RBFOX2: variants seen among roughly 807,000 people sequenced by gnomAD.
RBFOX2 encodes RNA binding fox-1 homolog 2, also known as RNA binding protein fox-1 homolog 2.
A neutral mutation model predicts 49.1 loss-of-function variants in RBFOX2; 10 were observed. The observed-to-expected ratio is 0.20, with a 90% confidence interval of 0.13 to 0.35. The LOEUF (loss-of-function observed/expected upper bound fraction) is 0.35. Among genes scored for constraint, RBFOX2 ranks in the 10% least tolerant of loss-of-function variants. The pLI is 1.00. For missense variants in RBFOX2, 323 were observed against 486.9 expected, an observed-to-expected ratio of 0.66 and a Z score of 3.17; for synonymous variants, 183 against 187.4, an observed-to-expected ratio of 0.98 and a Z score of 0.19.
At chr22:35,901,129 A>G (rs1209843865) in intron 1 of RBFOX2, among the ~76,000 whole-genome samples, 1 of 152,214 alleles carries the variant, frequency 6.6e-6, no homozygotes, top group African/African-American at 2.4e-5. Context: ...CACAGATCAA[A>G]GGAAATTGAG....
At chr22:36,022,722 T>G (rs1468143133) in intron 1 of RBFOX2, among the ~76,000 whole-genome samples, 1 of 152,136 alleles carries the variant, frequency 6.6e-6, no homozygotes, top group African/African-American at 2.4e-5. Flanking sequence ...TAGCTTCAGA[T>G]TGGGTCATGA....
chr22:35,889,532 T>C (rs1346818341), intron 1 of RBFOX2, among the ~76,000 whole-genome samples: 2 of 152,188 alleles, frequency 1.3e-5, no homozygotes, highest in Non-Finnish European at 1.5e-5. Context: ...TGACCTTCCC[T>C]GTCACTCAGA....
At chr22:36,021,358 G>A (rs895625217) in intron 1 of RBFOX2, among the ~76,000 whole-genome samples, 1 of 151,728 alleles carries the variant, frequency 6.6e-6, no homozygotes, top group African/African-American at 2.4e-5. Flanking sequence ...TAACAAACCC[G>A]CACGTTGTGC....
chr22:35,896,076 T>C (rs532221978), intron 1 of RBFOX2, among the ~76,000 whole-genome samples: 1 of 152,208 alleles, frequency 6.6e-6, no homozygotes, highest in African/African-American at 2.4e-5. Context: ...CCGACCCCTT[T>C]CTCCATGTTC....
intron 1 of RBFOX2, among the ~76,000 whole-genome samples, chr22:35,958,737 AT>A (rs1168313226): frequency 6.6e-6 from 1 of 151,978 alleles, no homozygotes; most frequent in African/African-American, 2.4e-5. Flanking sequence ...CCTACCGAGG[AT>A]TTTTTTTCTT....
chr22:35,888,653 A>C (rs1315841847), intron 1 of RBFOX2, among the ~76,000 whole-genome samples: 1 of 152,162 alleles, frequency 6.6e-6, no homozygotes, highest in Non-Finnish European at 1.5e-5. Flanking sequence ...GAGGGGTTGA[A>C]GTCAGCAATG....
chr22:35,756,013 AG>A, intron 9 of RBFOX2, 91 bp downstream of exon 11: 1 of 843,100 alleles, frequency 1.2e-6, no homozygotes, highest in Non-Finnish European at 1.6e-6. Context: ...ATAAATTAAA[AG>A]GAAAAAAACC....
At chr22:35,822,976 A>AC (rs1415561147) in intron 1 of RBFOX2, 1 of 319,480 alleles carries the variant, frequency 3.1e-6, no homozygotes, top group Non-Finnish European at 6.0e-6. Context: ...GGCACCTGCC[A>AC]CCACGCCTGG....
chr22:35,744,079 T>G, exon 12 of RBFOX2: 1 of 754,330 alleles, frequency 1.3e-6, no homozygotes, highest in Non-Finnish European at 1.9e-6. Context: ...TTTTTTGTGT[T>G]TTTTTTTGTT....
chr22:35,762,503 CTTTTTTTT>C (rs769912529), intron 6 of RBFOX2, among the ~76,000 whole-genome samples: 2 of 126,870 alleles, frequency 1.6e-5, no homozygotes, highest in Non-Finnish European at 3.3e-5. Context: ...TTGGCCTCCT[CTTTTTTTT>C]TTTTTTTTTT....
chr22:35,850,776 T>C (rs2041850567), intron 1 of RBFOX2, among the ~76,000 whole-genome samples: 1 of 152,040 alleles, frequency 6.6e-6, no homozygotes, highest in Admixed American at 6.6e-5. Flanking sequence ...AAATGGCCCA[T>C]CAAAAATCAG....
chr22:36,027,614 C>G (rs955937715), intron 1 of RBFOX2, among the ~76,000 whole-genome samples: 1 of 152,310 alleles, frequency 6.6e-6, no homozygotes, highest in Non-Finnish European at 1.5e-5. Context: ...TCTAGTGTCT[C>G]CCTTCAGACT....
intron 1 of RBFOX2, among the ~76,000 whole-genome samples, chr22:36,018,278 G>A (rs1253421131): frequency 6.6e-6 from 1 of 152,210 alleles, no homozygotes; most frequent in Non-Finnish European, 1.5e-5. Context: ...AAGACAGCAG[G>A]AGTGTGGGAG....
chr22:35,973,858 G>A (rs188901540), intron 1 of RBFOX2, among the ~76,000 whole-genome samples: 7 of 152,300 alleles, frequency 4.6e-5, no homozygotes, highest in East Asian at 3.9e-4. Flanking sequence ...ATAGGGGACC[G>A]ACCACCTTGT....
intron 5 of RBFOX2, among the ~76,000 whole-genome samples, chr22:35,766,965 AG>A: frequency 1.3e-5 from 2 of 152,324 alleles, no homozygotes; most frequent in East Asian, 3.9e-4. Context: ...AGAGAAAGTC[AG>A]GAAGGGTGTA....
intron 1 of RBFOX2, among the ~76,000 whole-genome samples, chr22:35,934,278 C>G (rs552229367): frequency 4.0e-5 from 6 of 151,798 alleles, no homozygotes; most frequent in Non-Finnish European, 7.4e-5. Context: ...GACCTCATAT[C>G]AGGAAACTAA....
At chr22:35,916,922 T>C (rs2149554117) in intron 1 of RBFOX2, among the ~76,000 whole-genome samples, 1 of 151,324 alleles carries the variant, frequency 6.6e-6, no homozygotes, top group South Asian at 2.1e-4. Context: ...GGTATGTGCA[T>C]ATGTGCATTA....
intron 1 of RBFOX2, among the ~76,000 whole-genome samples, chr22:35,871,597 C>T (rs1238067628): frequency 2.6e-5 from 4 of 152,164 alleles, no homozygotes. Flanking sequence ...TATTCAAGGG[C>T]TTTGGTGTAA....
At chr22:35,840,086 A>C in intron 1 of RBFOX2, 1 of 1,457,770 alleles carries the variant, frequency 6.9e-7, no homozygotes, top group Non-Finnish European at 9.6e-7. Flanking sequence ...GTCTGTTCTA[A>C]GAAGACAATA....
Sources: allele counts gnomAD v4.1 joint callset (sites outside exome capture counted in the v4.1 genomes callset), GRCh38; gene constraint gnomAD v4.1.1; transcripts MANE v1.5; gene names NCBI Gene and HGNC (gene_info 2026-07-23, HGNC 2026-07-21).